The following COG5 variants were observed in gnomAD, a reference collection of about 807,000 sequenced individuals.
The protein encoded by COG5 is conserved oligomeric Golgi complex subunit 5.
COG5 carries 86 observed loss-of-function variants against 110.4 expected under a neutral mutation model. That is an observed-to-expected ratio of 0.78 (90% CI 0.65 to 0.93). The LOEUF is 0.93. COG5 is among the 40% of genes least tolerant of loss of function. The probability of loss-of-function intolerance (pLI) is 0.00; values close to 1 mark genes in which losing one functional copy is unlikely to be tolerated. For synonymous variants in COG5, 360 were observed against 334.6 expected (o/e 1.08, Z -0.83); for missense variants, 1,077 against 987.0 (o/e 1.09, Z -1.22).
intron 10 of COG5, among the ~76,000 whole-genome samples, chr7:107,329,168 T>G (rs1358307064): frequency 2.0e-5 from 3 of 152,176 alleles, no homozygotes; most frequent in Admixed American, 2.0e-4. Context: ...TGAAGAACCC[T>G]GATATCCTAA....
chr7:107,427,158 G>A (rs1793694189), intron 6 of COG5, among the ~76,000 whole-genome samples: 1 of 152,140 alleles, frequency 6.6e-6, no homozygotes, highest in African/African-American at 2.4e-5. Context: ...CTCTCCAAAA[G>A]TAAGGCTATA....
At chr7:107,276,780 T>C (rs1804734022) in intron 14 of COG5, among the ~76,000 whole-genome samples, 2 of 152,344 alleles carry the variant, frequency 1.3e-5, no homozygotes, top group East Asian at 1.9e-4. Context: ...AGTTTAATCA[T>C]AAAATATTAT....
chr7:107,362,927 G>C (rs778441218), intron 8 of COG5, among the ~76,000 whole-genome samples: 2 of 151,880 alleles, frequency 1.3e-5, no homozygotes, highest in African/African-American at 2.4e-5. Flanking sequence ...TTTAATTCAC[G>C]GAATTTTTAC....
intron 10 of COG5, among the ~76,000 whole-genome samples, chr7:107,326,392 G>A (rs78055047): frequency 0.019 from 2,854 of 152,186 alleles, 90 homozygotes; most frequent in African/African-American, 0.064. Context: ...ATATGATCTT[G>A]TATGTAGATA....
intron 6 of COG5, among the ~76,000 whole-genome samples, chr7:107,414,891 C>T (rs1423712504): frequency 2.0e-5 from 3 of 151,632 alleles, no homozygotes; most frequent in African/African-American, 7.3e-5. Flanking sequence ...CGACGCCTGG[C>T]TAATTTTTTG....
intron 12 of COG5, among the ~76,000 whole-genome samples, chr7:107,295,064 CACATATATATATATAT>C (rs1806590431): frequency 3.7e-5 from 2 of 54,384 alleles, no homozygotes; most frequent in African/African-American, 2.6e-4. Context: ...CACACACACA[CACATATATATATATAT>C]ATATATATAT....
At position 107,343,582 on chromosome 7, in the gene COG5, G is replaced by A. The variant is rs1584703880; in HGVS notation, c.1026+18451C>T. Among the ~76,000 whole-genome samples the A allele has an allele frequency of 2.6e-5, 4 of 152,200 alleles. No individual in the cohort carries two copies. In the South Asian group the frequency reaches 8.3e-4, roughly 32 times the overall value. ...TGCAGTCCCAGCTACTTGGGAAGCC[G>A]AGGCTAGAGGATCAGTTAAGCCTGG... On this transcript the variant is annotated intron_variant, in intron 10 of 21. Transcript: ENST00000297135.
chr7:107,532,050 A>G (rs1366620562), intron 5 of COG5, among the ~76,000 whole-genome samples: 1 of 152,108 alleles, frequency 6.6e-6, no homozygotes, highest in African/African-American at 2.4e-5. Flanking sequence ...TTTAGTAGAA[A>G]ACAGCATTAC....
At chr7:107,229,250 A>T (rs1047708116) in intron 19 of COG5, among the ~76,000 whole-genome samples, 1 of 152,184 alleles carries the variant, frequency 6.6e-6, no homozygotes, top group Admixed American at 6.5e-5. Flanking sequence ...GGAGATCGAG[A>T]CCATCCTGGC....
At chr7:107,272,547 T>C (rs1330782603) in intron 14 of COG5, among the ~76,000 whole-genome samples, 2 of 152,230 alleles carry the variant, frequency 1.3e-5, no homozygotes, top group Admixed American at 6.5e-5. Context: ...CTGTCTCAGA[T>C]ATACGGGGTT....
chr7:107,495,102 C>T (rs1006875988), intron 6 of COG5, among the ~76,000 whole-genome samples: 5 of 152,134 alleles, frequency 3.3e-5, no homozygotes, highest in African/African-American at 1.2e-4. Flanking sequence ...CTTTTTCAGA[C>T]TGATAGCATT....
chr7:107,558,511 G>A (rs1399124053), intron 1 of COG5, among the ~76,000 whole-genome samples: 1 of 152,070 alleles, frequency 6.6e-6, no homozygotes, highest in Non-Finnish European at 1.5e-5. Flanking sequence ...GGCTGAAGTG[G>A]AAGAATAGCT....
At chr7:107,250,894 T>C (rs1414703954) in intron 16 of COG5, among the ~76,000 whole-genome samples, 2 of 151,768 alleles carry the variant, frequency 1.3e-5, no homozygotes, top group African/African-American at 4.8e-5. Flanking sequence ...GCAAAATGTC[T>C]AATATACTGG....
At chr7:107,538,581 A>G (rs913052600) in intron 5 of COG5, among the ~76,000 whole-genome samples, 1 of 152,208 alleles carries the variant, frequency 6.6e-6, no homozygotes, top group African/African-American at 2.4e-5. Context: ...TGCCACTTCA[A>G]TAAGATGGCA....
chr7:107,293,480 G>T (rs1214435115), intron 12 of COG5, among the ~76,000 whole-genome samples: 1 of 152,116 alleles, frequency 6.6e-6, no homozygotes, highest in African/African-American at 2.4e-5. Context: ...AAATACCACA[G>T]GCTCCAGTTT....
chr7:107,410,605 G>C (rs1055623306), intron 7 of COG5, among the ~76,000 whole-genome samples: 14 of 152,028 alleles, frequency 9.2e-5, no homozygotes, highest in African/African-American at 3.4e-4. Context: ...ACAATGCCTG[G>C]CTAATTTTGT....
chr7:107,208,908 C>CA lies in COG5; in HGVS notation c.2375+1617_2375+1618insT, dbSNP rs1255992998. The CA allele has an allele frequency of 3.0e-6, 3 of 985,314 alleles. No individual in the cohort carries two copies. In the African/African-American group the frequency reaches 5.2e-5, roughly 17 times the overall value. The allele number at this position is 985,314 out of a possible 1,614,324, so 61.0% of individuals were successfully genotyped here. A position where few individuals can be genotyped will look rare whatever the true frequency, so the allele number is the denominator to read the frequency against. ...TCTTTCATCCTAACTGAAATATGAC[C>CA]CACTATGGCAGGGGTTCACGCCCTT... On this transcript the variant is annotated intron_variant, in intron 21 of 21. Transcript: ENST00000297135.
chr7:107,468,810 A>G lies in COG5; in HGVS notation c.539-56178T>C, dbSNP rs190118318. Among the ~76,000 whole-genome samples the G allele has an allele frequency of 1.9e-3, 284 of 152,222 alleles. 2 individuals carry two copies. The highest frequency in any genetic ancestry group is 6.6e-3 in the African/African-American group (276 of 41,576). On this transcript the variant is annotated intron_variant, in intron 6 of 21. Coordinates refer to ENST00000297135, the MANE Select transcript of COG5 (RefSeq NM_006348.5). The stretch of plus-strand genomic sequence containing the variant: ...GAAGGTCACTAAATATTCCTAAAAT[A>G]ATGGAAACAGGTGATAATTAACATT...
At chr7:107,274,291 G>T (rs1042617809) in intron 14 of COG5, among the ~76,000 whole-genome samples, 2 of 152,110 alleles carry the variant, frequency 1.3e-5, no homozygotes, top group Non-Finnish European at 2.9e-5. Flanking sequence ...GCAACATAGC[G>T]AAACCCTGTC....
Sources: gnomAD v4.1 joint callset for allele counts (sites outside exome capture counted in the v4.1 genomes callset) on GRCh38, gnomAD v4.1.1 for gene constraint, MANE v1.5 for transcripts, NCBI Gene and HGNC (gene_info 2026-07-23, HGNC 2026-07-21) for gene names.